The following CTPS2 variants were observed in gnomAD, a reference collection of about 807,000 sequenced individuals.
CTPS2 encodes the protein CTP synthase II.
CTPS2 carries 19 observed loss-of-function variants against 46.8 expected under a neutral mutation model. The observed-to-expected ratio is 0.41, with a 90% CI of 0.28 to 0.60. The LOEUF is 0.60. Among genes scored for constraint, CTPS2 ranks in the 20% least tolerant of loss-of-function variants. The probability of loss-of-function intolerance (pLI) is 0.35; values close to 1 mark genes in which losing one functional copy is unlikely to be tolerated. For synonymous variants in CTPS2, 151 were observed against 165.2 expected, an observed-to-expected ratio of 0.91 and a Z score of 0.66; for missense variants, 286 against 447.6, an observed-to-expected ratio of 0.64 and a Z score of 3.26.
chrX:16,608,802 G>A (rs1035426730), intron 17 of CTPS2, among the ~76,000 whole-genome samples: 3 of 111,312 alleles, frequency 2.7e-5, no homozygotes, highest in Admixed American at 1.9e-4. Context: ...TACTCAACTC[G>A]TTGACAATTT....
At chrX:16,623,864 A>G (rs1168223755) in intron 14 of CTPS2, among the ~76,000 whole-genome samples, 2 of 81,763 alleles carry the variant, frequency 2.4e-5, no homozygotes, top group Non-Finnish European at 4.3e-5. Context: ...CTGGAGTGCA[A>G]TGGTGCAATC....
intron 4 of CTPS2, 143 bp downstream of exon 4, chrX:16,698,093 A>G: frequency 2.1e-6 from 1 of 471,623 alleles, no homozygotes; most frequent in Non-Finnish European, 3.8e-6. Context: ...GAAGCCATCT[A>G]TGTTGTTTCT....
At chrX:16,676,966 G>A (rs1429453149) in intron 10 of CTPS2, among the ~76,000 whole-genome samples, 1 of 107,250 alleles carries the variant, frequency 9.3e-6, no homozygotes, top group Non-Finnish European at 1.9e-5. Context: ...GGCTGAGGCA[G>A]AAGAATTGCT....
chrX:16,591,535 A>C (rs916161939), intron 17 of CTPS2, among the ~76,000 whole-genome samples: 1 of 111,668 alleles, frequency 9.0e-6, no homozygotes, highest in African/African-American at 3.3e-5. Context: ...GCATCTTGGC[A>C]TATTGCGTAT....
rs10651987 is a variant in CTPS2 at position 16,695,002 on chromosome X, A to AAACAAC, written c.439-1521_439-1516dup. Among the ~76,000 whole-genome samples, 516 of 106,951 alleles carry AAACAAC rather than the reference A, an allele frequency of 4.8e-3. 3 individuals are homozygous for AAACAAC. The highest frequency in any genetic ancestry group is 0.017 in the African/African-American group (476 of 28,770). 92.9% of individuals were successfully genotyped at this position (106,951 alleles called of 115,157 possible). A position where few individuals can be genotyped will look rare whatever the true frequency, so the allele number is the denominator to read the frequency against. On this transcript the variant is annotated intron_variant, in intron 4 of 18. Coordinates refer to ENST00000359276, the MANE Select transcript of CTPS2 (RefSeq NM_175859.3). ...CAGAGTAAGACACTGTCTCTTTAAA[A>AAACAAC]AACAACAACAACAACAACAACAACT...
intron 10 of CTPS2, 129 bp downstream of exon 10, chrX:16,678,233 G>A: frequency 1.2e-5 from 6 of 517,250 alleles, no homozygotes; most frequent in Non-Finnish European, 1.7e-5. Flanking sequence ...ACAATCACCT[G>A]CAAAGACCAC....
At chrX:16,619,272 A>C (rs1930695467) in intron 15 of CTPS2, among the ~76,000 whole-genome samples, 2 of 112,145 alleles carry the variant, frequency 1.8e-5, no homozygotes. Flanking sequence ...CCCATTCCAG[A>C]AACTGGTTCT....
chrX:16,663,894 G>GGC (rs1933056006), intron 13 of CTPS2, among the ~76,000 whole-genome samples: 2 of 110,629 alleles, frequency 1.8e-5, no homozygotes, highest in Non-Finnish European at 3.8e-5. Context: ...GGAGTACAGT[G>GGC]GTGCAATCTC....
chrX:16,599,741 G>A (rs867358940), intron 17 of CTPS2, among the ~76,000 whole-genome samples: 4 of 107,258 alleles, frequency 3.7e-5, no homozygotes, highest in African/African-American at 6.9e-5. Context: ...CTCCCAAAGC[G>A]CTGGAATAAC....
chrX:16,652,268 A>T (rs1932682803), intron 13 of CTPS2, among the ~76,000 whole-genome samples: 1 of 112,177 alleles, frequency 8.9e-6, no homozygotes, highest in Non-Finnish European at 1.9e-5. Context: ...ATTGTTTTGT[A>T]TGACTCAGTC....
chrX:16,668,590 A>T (rs1040287182), intron 11 of CTPS2, among the ~76,000 whole-genome samples: 3 of 105,089 alleles, frequency 2.9e-5, no homozygotes, highest in African/African-American at 1.0e-4. Context: ...GTCTCAAAAA[A>T]AAAGAAAATA....
intron 13 of CTPS2, among the ~76,000 whole-genome samples, chrX:16,656,158 C>A (rs1393950918): frequency 8.9e-6 from 1 of 111,738 alleles, no homozygotes; most frequent in East Asian, 2.8e-4. Flanking sequence ...TAATCGCCAC[C>A]CCCCAGGAAA....
rs191993632 is a variant in CTPS2 at position 16,668,005 on chromosome X, G to A, written c.1190-281C>T. Among the ~76,000 whole-genome samples the A allele has an allele frequency of 6.9e-3, 752 of 109,761 alleles. 24 individuals carry two copies. The highest frequency in any genetic ancestry group is 0.065 in the Admixed American group (647 of 9,951). On this transcript the variant is annotated intron_variant, in intron 11 of 18. Coordinates refer to ENST00000359276, the MANE Select transcript of CTPS2 (RefSeq NM_175859.3). ...CAACTGGGCGCAATGGCTCAAGCCT[G>A]CAATCTCAGCACTTTGGAAAGCCAA...
intron 11 of CTPS2, among the ~76,000 whole-genome samples, chrX:16,670,003 T>C (rs1179933268): frequency 2.7e-5 from 3 of 109,859 alleles, no homozygotes; most frequent in Non-Finnish European, 5.7e-5. Context: ...GTGGGCAGAT[T>C]GCTTGAGCCC....
intron 1 of CTPS2, among the ~76,000 whole-genome samples, chrX:16,707,845 T>C (rs1391029296): frequency 9.1e-6 from 1 of 110,235 alleles, no homozygotes; most frequent in Non-Finnish European, 1.9e-5. Flanking sequence ...TGGTGGCGTG[T>C]GCCTGTGGTC....
intron 13 of CTPS2, among the ~76,000 whole-genome samples, chrX:16,650,548 G>A (rs1932560356): frequency 2.3e-5 from 2 of 85,224 alleles, no homozygotes; most frequent in Admixed American, 3.2e-4. Flanking sequence ...GCGGAGGCTC[G>A]CTCTGTCACC....
intron 4 of CTPS2, among the ~76,000 whole-genome samples, chrX:16,695,765 A>T (rs1431245185): frequency 9.1e-6 from 1 of 110,363 alleles, no homozygotes; most frequent in Non-Finnish European, 1.9e-5. Context: ...GTTAGACAGG[A>T]TGGCCTCGAT....
chrX:16,622,407 C>G (rs1250298932), intron 14 of CTPS2, among the ~76,000 whole-genome samples: 2 of 101,671 alleles, frequency 2.0e-5, no homozygotes, highest in African/African-American at 7.3e-5. Flanking sequence ...GAGATGCTGT[C>G]TCAAAAAAAA....
chrX:16,653,695 C>T (rs1250599355), intron 13 of CTPS2, among the ~76,000 whole-genome samples: 1 of 112,018 alleles, frequency 8.9e-6, no homozygotes. Context: ...GGTCAGCAAG[C>T]CTATCGTGTG....
Sources: allele counts gnomAD v4.1 joint callset (sites outside exome capture counted in the v4.1 genomes callset), GRCh38; gene constraint gnomAD v4.1.1; transcripts MANE v1.5; gene names NCBI Gene and HGNC (gene_info 2026-07-23, HGNC 2026-07-21).